Variants in TMEM169 observed in about 807,000 individuals in gnomAD.
TMEM169 encodes transmembrane protein 169.
In TMEM169, 18 loss-of-function variants were observed where a neutral mutation model predicts 27.3. The observed-to-expected ratio is 0.66, with a 90% confidence interval of 0.46 to 0.98. TMEM169 has a LOEUF of 0.98. Ranked by LOEUF, TMEM169 falls within the 50% of genes least tolerant of loss-of-function variation. The pLI is 0.00. For synonymous variants in TMEM169, 136 were observed against 142.1 expected (o/e 0.96, Z 0.30); for missense variants, 320 against 368.6 (o/e 0.87, Z 1.08).
intron 1 of TMEM169, among the ~76,000 whole-genome samples, chr2:216,093,125 A>AGT (rs60241289): frequency 0.047 from 6,860 of 145,774 alleles, 174 homozygotes; most frequent in South Asian, 0.072. Flanking sequence ...GTAATAATGA[A>AGT]GTGTGTGTGT....
At chr2:216,085,715 T>C (rs563919036) in intron 1 of TMEM169, among the ~76,000 whole-genome samples, 1 of 151,954 alleles carries the variant, frequency 6.6e-6, no homozygotes, top group South Asian at 2.1e-4. Flanking sequence ...TACTAAAAAA[T>C]ACAAAATTAA....
rs1209305268 is a variant in TMEM169 at position 216,085,599 on chromosome 2, AGTGGCTCAC to A, written c.-127+3622_-127+3630del. On this transcript the variant is annotated intron_variant, in intron 1 of 2. Coordinates refer to ENST00000437356, the MANE Select transcript of TMEM169 (RefSeq NM_001142311.2). The stretch of plus-strand genomic sequence containing the variant: ...TTTAAGAATTATCTGGGCCGGGAGC[AGTGGCTCAC>A]GCCTGTAATCCCAGCACTTTGGGAG... Among the ~76,000 whole-genome samples, 10 of 151,208 alleles carry A rather than the reference AGTGGCTCAC, an allele frequency of 6.6e-5. No individual in the cohort carries two copies. The East Asian group carries it at 2.0e-3, about 30-fold the overall frequency.
At position 216,099,858 on chromosome 2, in the gene TMEM169, C is replaced by A; in HGVS notation, c.272-62C>A. 1 of 1,556,220 alleles carries A rather than the reference C, an allele frequency of 6.4e-7. No individual in the cohort carries two copies. On this transcript the variant is annotated intron_variant, in intron 2 of 2. Coordinates refer to ENST00000437356, the MANE Select transcript of TMEM169 (RefSeq NM_001142311.2). The surrounding 1 kb of genome is among the most constrained non-coding windows in gnomAD (Gnocchi z 5.0). ...TCCTCATGCCCAGCCTGGGAGGGTG[C>A]AACATGGAGATGCAATGCCCACTCT...
intron 1 of TMEM169, among the ~76,000 whole-genome samples, chr2:216,084,902 G>C (rs1559224260): frequency 6.6e-6 from 1 of 152,160 alleles, no homozygotes; most frequent in Non-Finnish European, 1.5e-5. Context: ...GGATGGGGAG[G>C]TCCTTAGGCC....
intron 2 of TMEM169, among the ~76,000 whole-genome samples, chr2:216,097,379 C>T (rs915990715): frequency 1.3e-5 from 2 of 151,998 alleles, no homozygotes; most frequent in Admixed American, 6.6e-5. Flanking sequence ...GGTGAAACCC[C>T]GTCTCTACTA....
At chr2:216,088,442 C>A (rs568535256) in intron 1 of TMEM169, among the ~76,000 whole-genome samples, 1 of 152,168 alleles carries the variant, frequency 6.6e-6, no homozygotes, top group African/African-American at 2.4e-5. Flanking sequence ...CCAGCTTGGG[C>A]GACAGAGCGA....
intron 1 of TMEM169, among the ~76,000 whole-genome samples, chr2:216,085,148 C>T (rs561204216): frequency 1.3e-5 from 2 of 152,244 alleles, no homozygotes; most frequent in East Asian, 3.9e-4. Context: ...CGCTGCCACG[C>T]CTGACCATCT....
rs372960907 is a variant in TMEM169, at chr2:216,096,263, G to T, written c.271+29G>T. The T allele has an allele frequency of 9.4e-6, 15 of 1,594,172 alleles. No individual in the cohort carries two copies. The East Asian group carries it at 1.1e-4, about 12-fold the overall frequency. The stretch of plus-strand genomic sequence containing the variant: ...AGTCTCTCTAGCCCACTTGTTTAAA[G>T]CCATGGGAAGGAAACCAAAAGGGCA... On this transcript the variant is annotated intron_variant, in intron 2 of 2. Coordinates refer to ENST00000437356, the MANE Select transcript of TMEM169 (RefSeq NM_001142311.2).
At chr2:216,090,033 G>A (rs912272539) in intron 1 of TMEM169, among the ~76,000 whole-genome samples, 2 of 152,360 alleles carry the variant, frequency 1.3e-5, no homozygotes, top group East Asian at 1.9e-4. Context: ...GCGTGCATGT[G>A]TGTGTGTCTG....
At chr2:216,095,487 C>T (rs761239103) in intron 1 of TMEM169, among the ~76,000 whole-genome samples, 57 of 152,026 alleles carry the variant, frequency 3.7e-4, no homozygotes, top group Middle Eastern at 3.2e-3. Flanking sequence ...ACACAAAAAT[C>T]GGTAACACAA....
Position 216,099,520 on chromosome 2 carries a change from G to A in TMEM169, c.272-400G>A, listed in dbSNP as rs972122099. Among the ~76,000 whole-genome samples, 3 of 151,958 alleles carry A rather than the reference G, an allele frequency of 2.0e-5. No individual in the cohort carries two copies. Among genetic ancestry groups the A allele is most frequent in the African/African-American group, 2.4e-5 (1 of 41,308 alleles). On this transcript the variant is annotated intron_variant, in intron 2 of 2. Coordinates refer to ENST00000437356, the MANE Select transcript of TMEM169 (RefSeq NM_001142311.2). This position sits in a 1 kb window ranked among gnomAD's most constrained non-coding sequence, Gnocchi z 5.0. ...GGCATGAGAAGGGAAGGTGGTGGCC[G>A]TCCATCAGTCCAGTATCTTCACAGC...
Position 216,099,088 on chromosome 2 carries a change from TTA to T in TMEM169, c.272-830_272-829del, listed in dbSNP as rs1491573189. Among the ~76,000 whole-genome samples the T allele has an allele frequency of 6.6e-6, 1 of 151,190 alleles. No homozygotes were observed. Among genetic ancestry groups the T allele is most frequent in the Non-Finnish European group, 1.5e-5 (1 of 67,710 alleles). The stretch of plus-strand genomic sequence containing the variant: ...GATGTGTATGTGTGTGTGTGGTGTG[TTA>T]TGTGTGTATGTTGCATGTATGTGTG... On this transcript the variant is annotated intron_variant, in intron 2 of 2. Transcript: ENST00000437356. The surrounding 1 kb of genome is among the most constrained non-coding windows in gnomAD (Gnocchi z 5.0).
intron 2 of TMEM169, among the ~76,000 whole-genome samples, chr2:216,098,926 T>A (rs760762067): frequency 6.6e-6 from 1 of 151,626 alleles, no homozygotes; most frequent in East Asian, 1.9e-4. Context: ...TGTATGGGTA[T>A]GTGGTGTGTG....
rs1695868015 is a variant in TMEM169 at position 216,081,956 on chromosome 2, G to C, written c.-150G>C. The C allele has an allele frequency of 1.9e-5, 11 of 564,408 alleles. No individual in the cohort carries two copies. Among genetic ancestry groups the C allele is most frequent in the Non-Finnish European group, 3.1e-5 (10 of 321,562 alleles). The allele number at this position is 564,408 out of a possible 1,614,324, so 35.0% of individuals were successfully genotyped here. Reference sequence around the variant, plus strand: ...CGCCGGCTGTCCGCAACCTCCGCCAGCGTCGGTCCCTGGGCAGGTGTGGGT... The same window carrying C: ...CGCCGGCTGTCCGCAACCTCCGCCACCGTCGGTCCCTGGGCAGGTGTGGGT... On this transcript the variant is annotated 5_prime_UTR_variant, in exon 1 of 3. Transcript: ENST00000437356.
intron 1 of TMEM169, among the ~76,000 whole-genome samples, chr2:216,095,045 TG>T (rs1456289614): frequency 6.6e-6 from 1 of 151,940 alleles, no homozygotes; most frequent in Non-Finnish European, 1.5e-5. Context: ...ATAGTTTTAA[TG>T]TATGATTCAA....
At position 216,099,320 on chromosome 2, in the gene TMEM169, A is replaced by T. The variant is rs1365554998; in HGVS notation, c.272-600A>T. ...GTGTATGGGATAGTGTAGTGTGTGT[A>T]TGTGGTACGTGATTGGGAGGTGGCA... is the stretch of plus-strand genomic sequence containing the variant. On this transcript the variant is annotated intron_variant, in intron 2 of 2. Coordinates refer to ENST00000437356, the MANE Select transcript of TMEM169 (RefSeq NM_001142311.2). The surrounding 1 kb of genome is among the most constrained non-coding windows in gnomAD (Gnocchi z 5.0). 6.7e-6 allele frequency among the ~76,000 whole-genome samples: 1 copy of T among 150,224 alleles called. No homozygotes were observed. The highest frequency in any genetic ancestry group is 1.5e-5 in the Non-Finnish European group (1 of 67,468).
intron 1 of TMEM169, among the ~76,000 whole-genome samples, chr2:216,086,324 A>G (rs1695997343): frequency 6.6e-6 from 1 of 152,088 alleles, no homozygotes; most frequent in Non-Finnish European, 1.5e-5. Flanking sequence ...CGGCCTCCCT[A>G]AGTGCTGGAA....
Position 216,099,057 on chromosome 2 carries a change from G to A in TMEM169, c.272-863G>A, listed in dbSNP as rs1448454932. Among the ~76,000 whole-genome samples, 1 of 151,338 alleles carries A rather than the reference G, an allele frequency of 6.6e-6. No individual in the cohort carries two copies. The highest frequency in any genetic ancestry group is 1.5e-5 in the Non-Finnish European group (1 of 67,804). ...CATGTATGCTGTGTGTATGTGTGGTGTGTGTGATGTGTATGTGTGTGTGTG... is the reference window on the plus strand; with the variant it reads ...CATGTATGCTGTGTGTATGTGTGGTATGTGTGATGTGTATGTGTGTGTGTG... On this transcript the variant is annotated intron_variant, in intron 2 of 2. Coordinates refer to ENST00000437356, the MANE Select transcript of TMEM169 (RefSeq NM_001142311.2). The surrounding 1 kb of genome is among the most constrained non-coding windows in gnomAD (Gnocchi z 5.0).
rs1696370794 is a variant in TMEM169, at chr2:216,100,464, G to A, written c.816G>A (p.Glu272=). The change falls in exon 3 of 3, where the codon GAG becomes GAA. Residue 272 remains glutamate (E), a synonymous_variant. Coordinates refer to ENST00000437356, the MANE Select transcript of TMEM169 (RefSeq NM_001142311.2). The stretch of plus-strand genomic sequence containing the variant: ...ACTGTTCTCCCTACAGCATTGTGGA[G>A]TTGCTTGAATCCGACAATATCTCAA... ...LEDCSPYSIV[E]LLESDNISST... 1.2e-6 allele frequency: 2 copies of A among 1,613,874 alleles called. No homozygotes were observed. The highest frequency in any genetic ancestry group is 2.7e-5 in the African/African-American group (2 of 74,836).
Sources: allele counts gnomAD v4.1 joint callset (sites outside exome capture counted in the v4.1 genomes callset), GRCh38; gene constraint gnomAD v4.1.1; non-coding constraint Gnocchi (gnomAD v3.1); transcripts MANE v1.5; gene names NCBI Gene and HGNC (gene_info 2026-07-23, HGNC 2026-07-21).